Variants in PTPRG observed in about 807,000 individuals in gnomAD.
PTPRG encodes receptor-type tyrosine-protein phosphatase gamma.
Under a neutral mutation model 165.3 loss-of-function variants are expected in PTPRG, and 102 were observed. That is an observed-to-expected ratio of 0.62 (90% CI 0.53 to 0.73). The LOEUF (loss-of-function observed/expected upper bound fraction) is 0.73. Ranked by LOEUF, PTPRG falls within the 30% of genes least tolerant of loss-of-function variation. The probability of loss-of-function intolerance (pLI) is 0.00; values close to 1 mark genes in which losing one functional copy is unlikely to be tolerated. For missense variants in PTPRG, 1,866 were observed against 1,861.4 expected, an observed-to-expected ratio of 1.00 and a Z score of -0.05; for synonymous variants, 675 against 669.5, an observed-to-expected ratio of 1.01 and a Z score of -0.13.
rs1702154720 is a variant in PTPRG, at chr3:62,273,960, TA to T, written c.3465+117del. 1 of 943,602 alleles carries T rather than the reference TA, an allele frequency of 1.1e-6. No individual in the cohort carries two copies. The highest frequency in any genetic ancestry group is 1.7e-5 in the African/African-American group (1 of 59,944). 58.5% of individuals were successfully genotyped at this position (943,602 alleles called of 1,614,324 possible). A position where few individuals can be genotyped will look rare whatever the true frequency, so the allele number is the denominator to read the frequency against. On this transcript the variant is annotated intron_variant, in intron 23 of 29. Coordinates refer to ENST00000474889, the MANE Select transcript of PTPRG (RefSeq NM_002841.4). The surrounding 1 kb of genome is among the most constrained non-coding windows in gnomAD (Gnocchi z 4.1). ...ATACACCGAAATGGATTACTATTTGTACTCCTTGTACTCCTTAAATGTGATG... is the reference window on the plus strand; with the variant it reads ...ATACACCGAAATGGATTACTATTTGTCTCCTTGTACTCCTTAAATGTGATG...
At chr3:61,632,331 A>G (rs1030160882) in intron 1 of PTPRG, among the ~76,000 whole-genome samples, 2 of 152,026 alleles carry the variant, frequency 1.3e-5, no homozygotes, top group Non-Finnish European at 2.9e-5. Flanking sequence ...ACACACACAC[A>G]CACACAAATC....
intron 4 of PTPRG, among the ~76,000 whole-genome samples, chr3:62,048,590 C>T (rs1208781737): frequency 1.3e-5 from 2 of 152,204 alleles, no homozygotes; most frequent in Non-Finnish European, 2.9e-5. Context: ...ATAAACTTAT[C>T]TCTTCTTACT....
chr3:61,897,835 T>G (rs188791316), intron 2 of PTPRG, among the ~76,000 whole-genome samples: 1 of 152,192 alleles, frequency 6.6e-6, no homozygotes, highest in Non-Finnish European at 1.5e-5. Context: ...TTATAAATGG[T>G]ATTTTTGTTC....
chr3:62,139,858 C>T (rs756573177), intron 6 of PTPRG, among the ~76,000 whole-genome samples: 2 of 152,200 alleles, frequency 1.3e-5, no homozygotes, highest in Non-Finnish European at 2.9e-5. Flanking sequence ...TAGAGTCACT[C>T]CAGGCCTCTA....
chr3:61,606,971 A>G (rs1701027700), intron 1 of PTPRG, among the ~76,000 whole-genome samples: 1 of 152,234 alleles, frequency 6.6e-6, no homozygotes, highest in Admixed American at 6.5e-5. Flanking sequence ...ATAACTGAAC[A>G]GGCTCAGATG....
At chr3:62,238,855 A>C (rs1322902008) in intron 14 of PTPRG, among the ~76,000 whole-genome samples, 1 of 152,182 alleles carries the variant, frequency 6.6e-6, no homozygotes, top group Non-Finnish European at 1.5e-5. Context: ...CAGAGTACTT[A>C]AAGTGTCAGA....
chr3:61,834,149 A>C (rs908047100), intron 2 of PTPRG, among the ~76,000 whole-genome samples: 1 of 152,198 alleles, frequency 6.6e-6, no homozygotes, highest in Non-Finnish European at 1.5e-5. Flanking sequence ...TTGTTACAGC[A>C]TCTTTTCTTC....
chr3:61,592,410 G>A (rs898984205), intron 1 of PTPRG, among the ~76,000 whole-genome samples: 2 of 152,070 alleles, frequency 1.3e-5, no homozygotes, highest in Non-Finnish European at 2.9e-5. Flanking sequence ...ATACAATGTT[G>A]GATGAGCCCA....
chr3:62,029,885 G>A (rs1699706318), intron 4 of PTPRG, among the ~76,000 whole-genome samples: 1 of 152,068 alleles, frequency 6.6e-6, no homozygotes, highest in Admixed American at 6.6e-5. Context: ...ATTTCATATT[G>A]CCGGCCACCT....
In PTPRG at chr3:61,857,241, A is replaced by G. The variant is rs193020627; in HGVS notation, c.190+108259A>G. Among the ~76,000 whole-genome samples the G allele has an allele frequency of 3.5e-4, 53 of 152,274 alleles. No homozygotes were observed. The East Asian group carries it at 8.5e-3, about 24-fold the overall frequency. On this transcript the variant is annotated intron_variant, in intron 2 of 29. Coordinates refer to ENST00000474889, the MANE Select transcript of PTPRG (RefSeq NM_002841.4). ...TATACAACTGAAGAAAATACAAGAG[A>G]GTTTCAATGACTTGCTCAAGTTCAT...
At chr3:61,917,144 C>A (rs1197363002) in intron 2 of PTPRG, among the ~76,000 whole-genome samples, 1 of 152,078 alleles carries the variant, frequency 6.6e-6, no homozygotes, top group Non-Finnish European at 1.5e-5. Context: ...GCTGCTGAGA[C>A]AATATGAATC....
At chr3:61,573,653 C>A (rs750291464) in intron 1 of PTPRG, among the ~76,000 whole-genome samples, 8 of 152,162 alleles carry the variant, frequency 5.3e-5, no homozygotes, top group Non-Finnish European at 1.2e-4. Context: ...CACATTCCTC[C>A]TTGTGCTGTG....
intron 5 of PTPRG, among the ~76,000 whole-genome samples, chr3:62,113,716 CACTT>C (rs1702753145): frequency 6.6e-6 from 1 of 152,164 alleles, no homozygotes; most frequent in Non-Finnish European, 1.5e-5. Context: ...GTTTTAAAAA[CACTT>C]ACAAATATGT....
At chr3:62,051,046 G>T (rs879592758) in intron 4 of PTPRG, among the ~76,000 whole-genome samples, 3 of 152,186 alleles carry the variant, frequency 2.0e-5, no homozygotes, top group Non-Finnish European at 2.9e-5. Context: ...TGGTTACTAA[G>T]TGGCGGTCAA....
In PTPRG at chr3:61,732,230, T is replaced by C. The variant is rs538073290; in HGVS notation, c.86-16648T>C. On this transcript the variant is annotated intron_variant, in intron 1 of 29. Transcript: ENST00000474889. ...TCATTTTGACATGTAATCAGAATTTTAAAAATGTTGATGAGATATTTTGCC... is the reference window on the plus strand; with the variant it reads ...TCATTTTGACATGTAATCAGAATTTCAAAAATGTTGATGAGATATTTTGCC... 3.9e-5 allele frequency among the ~76,000 whole-genome samples: 6 copies of C among 152,308 alleles called. No individual in the cohort carries two copies. In the South Asian group the frequency reaches 1.0e-3, roughly 26 times the overall value.
chr3:61,909,251 G>A (rs192764734), intron 2 of PTPRG, among the ~76,000 whole-genome samples: 18 of 152,286 alleles, frequency 1.2e-4, no homozygotes, highest in East Asian at 9.6e-4. Context: ...TTACATAAGC[G>A]TTTCTTCGAT....
At chr3:62,065,200 A>G (rs1214692131) in intron 4 of PTPRG, among the ~76,000 whole-genome samples, 1 of 152,176 alleles carries the variant, frequency 6.6e-6, no homozygotes. Context: ...TTTGGCTTGA[A>G]CTGCTTCTAG....
chr3:62,282,557 A>AC (rs200177521), intron 27 of PTPRG, among the ~76,000 whole-genome samples, 170 bp from the exon 28 acceptor site: 1,764 of 151,672 alleles, frequency 0.012, 27 homozygotes, highest in African/African-American at 0.037. Flanking sequence ...AAAAAAACAA[A>AC]AAAAAAAAAC....
At chr3:62,243,346 C>T (rs1218707611) in intron 14 of PTPRG, among the ~76,000 whole-genome samples, 1 of 152,114 alleles carries the variant, frequency 6.6e-6, no homozygotes, top group Admixed American at 6.5e-5. Flanking sequence ...GGGGCCTTTG[C>T]ATGAACAATG....
Sources: gnomAD v4.1 joint callset for allele counts (sites outside exome capture counted in the v4.1 genomes callset) on GRCh38, gnomAD v4.1.1 for gene constraint, Gnocchi (gnomAD v3.1) non-coding constraint, MANE v1.5 for transcripts, NCBI Gene and HGNC (gene_info 2026-07-23, HGNC 2026-07-21) for gene names.